Variants in MACROD2 observed in about 807,000 individuals in gnomAD.
The protein encoded by MACROD2 is mono-ADP ribosylhydrolase 2, also known as ADP-ribose glycohydrolase MACROD2.
A neutral mutation model predicts 70.4 loss-of-function variants in MACROD2; 36 were observed. The observed-to-expected ratio is 0.51, with a 90% confidence interval of 0.39 to 0.68. The LOEUF is 0.68. Among genes scored for constraint, MACROD2 ranks in the 30% least tolerant of loss-of-function variants. The probability of loss-of-function intolerance (pLI) is 0.00; values close to 1 mark genes in which losing one functional copy is unlikely to be tolerated. For missense variants in MACROD2, 496 were observed against 538.4 expected, an observed-to-expected ratio of 0.92 and a Z score of 0.78; for synonymous variants, 172 against 178.8, an observed-to-expected ratio of 0.96 and a Z score of 0.30.
intron 5 of MACROD2, among the ~76,000 whole-genome samples, chr20:15,061,193 C>T (rs1601014589): frequency 6.6e-6 from 1 of 152,324 alleles, no homozygotes; most frequent in South Asian, 2.1e-4. Context: ...ACCCTCATTT[C>T]TCAATGTGCA....
At chr20:14,935,633 T>A (rs1157695204) in intron 5 of MACROD2, among the ~76,000 whole-genome samples, 1 of 152,172 alleles carries the variant, frequency 6.6e-6, no homozygotes, top group East Asian at 1.9e-4. Flanking sequence ...TAGACTGGAA[T>A]GCTGGAATTG....
At chr20:14,103,315 C>CT (rs2054323799) in intron 3 of MACROD2, among the ~76,000 whole-genome samples, 1 of 152,140 alleles carries the variant, frequency 6.6e-6, no homozygotes, top group African/African-American at 2.4e-5. Flanking sequence ...CTTCCAGAGT[C>CT]TTTCTTTTAG....
At position 15,409,897 on chromosome 20, in the gene MACROD2, G is replaced by A. The variant is rs191483660; in HGVS notation, c.541-21508G>A. On this transcript the variant is annotated intron_variant, in intron 6 of 17. Coordinates refer to ENST00000684519, the MANE Select transcript of MACROD2 (RefSeq NM_001351661.2). Reference sequence around the variant, plus strand: ...CACGGGTGAAACATCAACAGCGTGTGTTAAGCTAGAATGATAACTGGCTGG... The same window carrying A: ...CACGGGTGAAACATCAACAGCGTGTATTAAGCTAGAATGATAACTGGCTGG... Among the ~76,000 whole-genome samples, 600 of 152,318 alleles carry A rather than the reference G, an allele frequency of 3.9e-3. 6 individuals are homozygous for A. Among genetic ancestry groups the A allele is most frequent in the African/African-American group, 0.014 (577 of 41,570 alleles).
At chr20:14,117,112 A>T (rs1411105998) in intron 3 of MACROD2, among the ~76,000 whole-genome samples, 4 of 151,762 alleles carry the variant, frequency 2.6e-5, no homozygotes, top group Admixed American at 6.6e-5. Context: ...ACATGGCTAC[A>T]TAGTATATTC....
At chr20:14,089,606 ATTC>A (rs959638900) in intron 3 of MACROD2, among the ~76,000 whole-genome samples, 12 of 152,184 alleles carry the variant, frequency 7.9e-5, no homozygotes, top group Admixed American at 7.2e-4. Flanking sequence ...TGTGTATTAT[ATTC>A]TTCTCTCTAG....
chr20:15,841,055 C>A (rs2064164516), intron 8 of MACROD2, among the ~76,000 whole-genome samples: 1 of 152,174 alleles, frequency 6.6e-6, no homozygotes, highest in South Asian at 2.1e-4. Context: ...TCCATCCTTG[C>A]AATTTCATTT....
intron 6 of MACROD2, among the ~76,000 whole-genome samples, chr20:15,375,492 G>A (rs1162575362): frequency 3.3e-5 from 5 of 152,008 alleles, no homozygotes; most frequent in Admixed American, 6.6e-5. Flanking sequence ...GAAAAATCTC[G>A]GTATGCCAAG....
At chr20:15,951,306 GACACAC>G (rs58032991) in intron 12 of MACROD2, among the ~76,000 whole-genome samples, 2,562 of 135,596 alleles carry the variant, frequency 0.019, 54 homozygotes, top group African/African-American at 0.054. Context: ...TATTTATCTA[GACACAC>G]ACACACACAC....
At position 15,608,954 on chromosome 20, in the gene MACROD2, C is replaced by T. The variant is rs1049176698; in HGVS notation, c.645+109107C>T. 2.0e-5 allele frequency among the ~76,000 whole-genome samples: 3 copies of T among 152,150 alleles called. No individual in the cohort carries two copies. In the East Asian group the frequency reaches 5.8e-4, roughly 29 times the overall value. On this transcript the variant is annotated intron_variant, in intron 8 of 17. Coordinates refer to ENST00000684519, the MANE Select transcript of MACROD2 (RefSeq NM_001351661.2). The stretch of plus-strand genomic sequence containing the variant: ...GTCTTTAATTTATAATTTCTCTCCC[C>T]TTATGTGCCTGATGCTGCTCATTCT...
chr20:15,211,320 C>G (rs1212642965), intron 5 of MACROD2, among the ~76,000 whole-genome samples: 1 of 152,148 alleles, frequency 6.6e-6, no homozygotes, highest in African/African-American at 2.4e-5. Flanking sequence ...GATGGATATA[C>G]ATTTGGTTAT....
intron 5 of MACROD2, among the ~76,000 whole-genome samples, chr20:15,039,943 T>TGG (rs2075342554): frequency 2.0e-5 from 3 of 152,152 alleles, no homozygotes; most frequent in Admixed American, 2.0e-4. Flanking sequence ...CTTGCTTCCT[T>TGG]CCACACCTTC....
chr20:15,791,957 A>T (rs2063628278), intron 8 of MACROD2, among the ~76,000 whole-genome samples: 1 of 151,990 alleles, frequency 6.6e-6, no homozygotes. Context: ...AAAGTGAAAA[A>T]TGCTTTGAAA....
At chr20:15,906,182 C>A (rs552739331) in intron 10 of MACROD2, among the ~76,000 whole-genome samples, 1 of 152,290 alleles carries the variant, frequency 6.6e-6, no homozygotes, top group South Asian at 2.1e-4. Flanking sequence ...TTGCAAACTG[C>A]CACCCTTGGG....
rs144404310 is a variant in MACROD2, at chr20:15,841,928, T to G, written c.646-20817T>G. ...ATTTCCTCTTATATAGTAATGGGAC[T>G]TGGACTGAATTCAAGGGGTAGAAAA... On this transcript the variant is annotated intron_variant, in intron 8 of 17. Coordinates refer to ENST00000684519, the MANE Select transcript of MACROD2 (RefSeq NM_001351661.2). Among the ~76,000 whole-genome samples, 16 of 152,204 alleles carry G rather than the reference T, an allele frequency of 1.1e-4. No individual in the cohort carries two copies. The East Asian group carries it at 2.9e-3, about 28-fold the overall frequency.
intron 2 of MACROD2, among the ~76,000 whole-genome samples, chr20:14,038,033 G>A (rs930976963): frequency 2.0e-5 from 3 of 152,134 alleles, no homozygotes; most frequent in Admixed American, 6.5e-5. Flanking sequence ...AGTGGCTCAC[G>A]CCTATTATCC....
chr20:14,661,966 A>G (rs2123536391), intron 4 of MACROD2, among the ~76,000 whole-genome samples: 1 of 152,284 alleles, frequency 6.6e-6, no homozygotes, highest in African/African-American at 2.4e-5. Flanking sequence ...CAATTGTGAG[A>G]AACGGTTATT....
chr20:15,899,363 A>C (rs774590784), intron 10 of MACROD2, among the ~76,000 whole-genome samples: 1 of 152,158 alleles, frequency 6.6e-6, no homozygotes, highest in Non-Finnish European at 1.5e-5. Context: ...CATTTCTAAT[A>C]CATAGCCTGG....
chr20:14,769,161 G>C (rs2072132094), intron 5 of MACROD2, among the ~76,000 whole-genome samples: 1 of 152,052 alleles, frequency 6.6e-6, no homozygotes, highest in African/African-American at 2.4e-5. Flanking sequence ...AGTGCAGTTT[G>C]AAAAATGAAG....
intron 5 of MACROD2, among the ~76,000 whole-genome samples, chr20:15,190,682 C>T (rs2076564491): frequency 1.3e-5 from 2 of 152,132 alleles, no homozygotes; most frequent in South Asian, 2.1e-4. Context: ...TGTGGGGCCA[C>T]ACAGGATAGC....
Sources: allele counts gnomAD v4.1 joint callset (sites outside exome capture counted in the v4.1 genomes callset), GRCh38; gene constraint gnomAD v4.1.1; transcripts MANE v1.5; gene names NCBI Gene and HGNC (gene_info 2026-07-23, HGNC 2026-07-21).